The following MCTP1 variants were observed in gnomAD, a reference collection of about 807,000 sequenced individuals.
MCTP1 encodes multiple C2 and transmembrane domain containing 1, also known as multiple C2 and transmembrane domain-containing protein 1.
Under a neutral mutation model 120.6 loss-of-function variants are expected in MCTP1, and 69 were observed. The ratio of observed to expected loss-of-function variants is 0.57; its 90% confidence interval spans 0.47 to 0.70. The LOEUF (loss-of-function observed/expected upper bound fraction) is 0.70, where lower values mean the gene tolerates loss of function less well. Among genes scored for constraint, MCTP1 ranks in the 30% least tolerant of loss-of-function variants. The pLI, the probability that MCTP1 is intolerant of heterozygous loss-of-function variation, is 0.00. For missense variants in MCTP1, 1,203 were observed against 1,248.8 expected (o/e 0.96, Z 0.55); for synonymous variants, 529 against 493.1 (o/e 1.07, Z -0.96).
chr5:95,030,519 C>G (rs1483849088), intron 1 of MCTP1, among the ~76,000 whole-genome samples: 1 of 152,162 alleles, frequency 6.6e-6, no homozygotes, highest in African/African-American at 2.4e-5. Context: ...GTACAACAAG[C>G]AGCATCTGAG....
chr5:94,774,942 A>T (rs977650217), intron 19 of MCTP1, among the ~76,000 whole-genome samples: 9 of 152,070 alleles, frequency 5.9e-5, no homozygotes, highest in African/African-American at 1.9e-4. Context: ...TCATCCCCCT[A>T]ACCCCTCATA....
In MCTP1 at chr5:94,949,280, G is replaced by A. The variant is rs903362614; in HGVS notation, c.981+3939C>T. 2.6e-5 allele frequency among the ~76,000 whole-genome samples: 4 copies of A among 152,246 alleles called. No homozygotes were observed. In the East Asian group the frequency reaches 7.7e-4, roughly 29 times the overall value. On this transcript the variant is annotated intron_variant, in intron 3 of 22. Coordinates refer to ENST00000515393, the MANE Select transcript of MCTP1 (RefSeq NM_024717.7). ...GAATTTGAATTCAACTGAAATGGGTGTCAAATTTATCCTATTATCTAAGGT... is the reference window on the plus strand; with the variant it reads ...GAATTTGAATTCAACTGAAATGGGTATCAAATTTATCCTATTATCTAAGGT...
chr5:95,055,385 G>T (rs1582058208), intron 1 of MCTP1, among the ~76,000 whole-genome samples: 1 of 152,238 alleles, frequency 6.6e-6, no homozygotes, highest in East Asian at 1.9e-4. Context: ...CAAGAATATT[G>T]AAGATTGGGA....
At chr5:94,871,254 T>C (rs78638695) in intron 14 of MCTP1, 61 bp downstream of exon 14, 2 of 746,814 alleles carry the variant, frequency 2.7e-6, no homozygotes, top group Non-Finnish European at 4.1e-6. Context: ...TTTCTTTTCT[T>C]TTTTTTTTTT....
chr5:94,784,818 TA>T (rs1458703264), intron 18 of MCTP1: 2 of 152,002 alleles, frequency 1.3e-5, no homozygotes, highest in East Asian at 3.8e-4. Flanking sequence ...AAAAAAGCAT[TA>T]GTACTTACTG....
At chr5:95,214,016 G>A (rs1752727559) in intron 1 of MCTP1, among the ~76,000 whole-genome samples, 2 of 152,336 alleles carry the variant, frequency 1.3e-5, no homozygotes, top group African/African-American at 4.8e-5. Context: ...TGACAAATGG[G>A]ATCTAATTAA....
chr5:95,218,793 T>C (rs1244817767), intron 1 of MCTP1, among the ~76,000 whole-genome samples: 2 of 152,194 alleles, frequency 1.3e-5, no homozygotes, highest in Non-Finnish European at 2.9e-5. Flanking sequence ...GTATAGCCTG[T>C]TGCTCTGAGG....
chr5:94,935,264 G>A (rs777299756), intron 5 of MCTP1, among the ~76,000 whole-genome samples: 6 of 152,118 alleles, frequency 3.9e-5, no homozygotes, highest in Non-Finnish European at 5.9e-5. Flanking sequence ...AGAGGCTTTA[G>A]TAGATTCAGT....
intron 2 of MCTP1, among the ~76,000 whole-genome samples, chr5:94,976,380 G>T (rs1473717653): frequency 6.6e-6 from 1 of 152,110 alleles, no homozygotes; most frequent in African/African-American, 2.4e-5. Context: ...GAATCAGGGA[G>T]GTGGAGGTTG....
At chr5:95,092,998 G>A (rs1172802871) in intron 1 of MCTP1, among the ~76,000 whole-genome samples, 2 of 152,130 alleles carry the variant, frequency 1.3e-5, no homozygotes, top group Non-Finnish European at 2.9e-5. Flanking sequence ...CTTACCTTGA[G>A]AATATCTATG....
chr5:94,716,627 T>C (rs967331770), intron 19 of MCTP1, among the ~76,000 whole-genome samples: 2 of 152,188 alleles, frequency 1.3e-5, no homozygotes, highest in Non-Finnish European at 2.9e-5. Context: ...AGCATGCTGG[T>C]TGTACAATGA....
chr5:95,249,410 C>G (rs1757153936), intron 1 of MCTP1, among the ~76,000 whole-genome samples: 1 of 152,128 alleles, frequency 6.6e-6, no homozygotes, highest in African/African-American at 2.4e-5. Flanking sequence ...TGAAAAAATG[C>G]TCATCATCAC....
At chr5:95,038,926 T>C (rs1413029368) in intron 1 of MCTP1, among the ~76,000 whole-genome samples, 1 of 152,186 alleles carries the variant, frequency 6.6e-6, no homozygotes, top group East Asian at 1.9e-4. Context: ...ATTCCTCATC[T>C]GTAGTAAAGG....
chr5:95,126,114 G>T (rs1364713173), intron 1 of MCTP1, among the ~76,000 whole-genome samples: 2 of 152,140 alleles, frequency 1.3e-5, no homozygotes, highest in Non-Finnish European at 2.9e-5. Flanking sequence ...GCTATGGGGG[G>T]AGAAAAGGGA....
intron 4 of MCTP1, among the ~76,000 whole-genome samples, chr5:94,941,109 C>T (rs1339932838): frequency 1.3e-5 from 2 of 151,762 alleles, no homozygotes; most frequent in East Asian, 1.9e-4. Flanking sequence ...TATTTTTCAC[C>T]GATGATTTAT....
chr5:94,951,755 A>G (rs1004050582), intron 3 of MCTP1, among the ~76,000 whole-genome samples: 1 of 152,118 alleles, frequency 6.6e-6, no homozygotes, highest in Non-Finnish European at 1.5e-5. Context: ...AGAAGTGAGG[A>G]GCAGGGCAGA....
At chr5:95,095,604 C>A (rs926954830) in intron 1 of MCTP1, among the ~76,000 whole-genome samples, 1 of 152,154 alleles carries the variant, frequency 6.6e-6, no homozygotes, top group Non-Finnish European at 1.5e-5. Context: ...GCTACCTTTA[C>A]GAAAAGAAGG....
chr5:94,836,711 A>G (rs1789870371), intron 17 of MCTP1, among the ~76,000 whole-genome samples: 1 of 152,220 alleles, frequency 6.6e-6, no homozygotes, highest in Non-Finnish European at 1.5e-5. Flanking sequence ...AGTTTCTTGT[A>G]TAAACCACAG....
At chr5:95,267,881 C>T (rs1759033233) in intron 1 of MCTP1, among the ~76,000 whole-genome samples, 1 of 152,230 alleles carries the variant, frequency 6.6e-6, no homozygotes, top group Non-Finnish European at 1.5e-5. Flanking sequence ...ATCCCCACTG[C>T]CCAGGCAATC....
Sources: gnomAD v4.1 joint callset for allele counts (sites outside exome capture counted in the v4.1 genomes callset) on GRCh38, gnomAD v4.1.1 for gene constraint, MANE v1.5 for transcripts, NCBI Gene and HGNC (gene_info 2026-07-23, HGNC 2026-07-21) for gene names.